The following TPD52L2 variants were observed in gnomAD, a reference collection of about 807,000 sequenced individuals.
TPD52L2 encodes the protein TPD52 like 2.
In TPD52L2, 19 loss-of-function variants were observed where a neutral mutation model predicts 24.7. The ratio of observed to expected loss-of-function variants is 0.77; its 90% confidence interval spans 0.54 to 1.13. The LOEUF is 1.13. TPD52L2 is among the 50% of genes most tolerant of loss of function. TPD52L2 has a pLI of 0.00. For synonymous variants in TPD52L2, 104 were observed against 100.2 expected (o/e 1.04, Z -0.23); for missense variants, 236 against 250.4 (o/e 0.94, Z 0.39).
At position 63,889,026 on chromosome 20, in the gene TPD52L2, G is replaced by T; in HGVS notation, c.477-164G>T. 5 of 658,678 alleles carry T rather than the reference G, an allele frequency of 7.6e-6. No homozygotes were observed. In the South Asian group the frequency reaches 8.7e-5, roughly 11 times the overall value. 40.8% of individuals were successfully genotyped at this position (658,678 alleles called of 1,614,324 possible). ...ATGGCCGACCTCACTTTTGACCTGG[G>T]GAGTCTCCGGAATGACCTGGCTGTC... On this transcript the variant is annotated intron_variant, in intron 5 of 6. Transcript: ENST00000346249.
At chr20:63,883,004 C>T (rs886515658) in intron 5 of TPD52L2, among the ~76,000 whole-genome samples, 184 bp downstream of exon 5, 1 of 152,192 alleles carries the variant, frequency 6.6e-6, no homozygotes, top group Non-Finnish European at 1.5e-5. Flanking sequence ...CGTCCATCCC[C>T]GTTGGCTGCT....
At chr20:63,867,562 C>G (rs956658840) in intron 1 of TPD52L2, among the ~76,000 whole-genome samples, 14 of 143,938 alleles carry the variant, frequency 9.7e-5, no homozygotes, top group Non-Finnish European at 1.8e-4. Flanking sequence ...TAAGACTCGT[C>G]TAAAAAAAAA....
intron 3 of TPD52L2, among the ~76,000 whole-genome samples, chr20:63,875,147 A>T (rs1160994750): frequency 2.0e-5 from 3 of 147,186 alleles, no homozygotes; most frequent in Non-Finnish European, 4.5e-5. Context: ...GTCTCAAAAA[A>T]AAAAAATATA....
intron 4 of TPD52L2, among the ~76,000 whole-genome samples, chr20:63,878,836 C>T (rs1035427785): frequency 5.3e-5 from 8 of 152,210 alleles, no homozygotes; most frequent in Non-Finnish European, 1.0e-4. Flanking sequence ...TTGCCCGGCC[C>T]GGTGCTCTCA....
chr20:63,875,153 A>AAATATATATATATATATT (rs2052622586), intron 3 of TPD52L2, among the ~76,000 whole-genome samples: 1 of 131,318 alleles, frequency 7.6e-6, no homozygotes, highest in African/African-American at 2.8e-5. Flanking sequence ...AAAAAAAAAA[A>AAATATATATATATATATT]TATATATATA....
chr20:63,878,707 C>G (rs1277594019), intron 4 of TPD52L2, among the ~76,000 whole-genome samples: 1 of 152,164 alleles, frequency 6.6e-6, no homozygotes, highest in Non-Finnish European at 1.5e-5. Context: ...GCAAGGATGT[C>G]CCCCAGATGC....
chr20:63,867,695 C>T (rs977500062), intron 1 of TPD52L2, among the ~76,000 whole-genome samples: 14 of 151,904 alleles, frequency 9.2e-5, no homozygotes, highest in African/African-American at 3.1e-4. Flanking sequence ...ATGCAGCCAG[C>T]TTTTAAGAAG....
intron 5 of TPD52L2, among the ~76,000 whole-genome samples, chr20:63,886,652 T>C (rs1384986632): frequency 7.5e-6 from 1 of 132,922 alleles, no homozygotes; most frequent in Non-Finnish European, 1.6e-5. Flanking sequence ...CCCGGCCTTT[T>C]TTTTCTTTTT....
chr20:63,889,210 C>A lies in TPD52L2; in HGVS notation c.497C>A (p.Ser166Ter), dbSNP rs150777439. 4.3e-6 allele frequency: 7 copies of A among 1,613,470 alleles called. No homozygotes were observed. The highest frequency in any genetic ancestry group is 5.9e-6 in the Non-Finnish European group (7 of 1,179,764). The part of the protein sequence containing the change: ...GDMRNSATFK[S>*]FEDRVGTIKS... The stretch of plus-strand genomic sequence containing the variant: ...TAAAGGAACTCTGCGACCTTCAAGT[C>A]GTTTGAGGACCGAGTTGGGACCATA... The change falls in exon 6 of 7, where the codon TCG becomes TAG. Residue 166 changes from serine to a stop codon, truncating the protein, a stop_gained. Transcript: ENST00000346249. LOFTEE classifies it high-confidence loss of function.
At chr20:63,887,925 G>A in intron 5 of TPD52L2, 1 of 449,294 alleles carries the variant, frequency 2.2e-6, no homozygotes, top group Non-Finnish European at 4.0e-6. Flanking sequence ...ACAGATCCTG[G>A]CACTTGCCCT....
At chr20:63,878,727 C>T (rs1020839144) in intron 4 of TPD52L2, among the ~76,000 whole-genome samples, 7 of 152,174 alleles carry the variant, frequency 4.6e-5, no homozygotes, top group Admixed American at 3.3e-4. Context: ...CCCTGTGCTG[C>T]CCAGGGGACA....
At chr20:63,866,758 CTT>C (rs773870171) in intron 1 of TPD52L2, among the ~76,000 whole-genome samples, 17 of 124,480 alleles carry the variant, frequency 1.4e-4, no homozygotes, top group African/African-American at 3.2e-4. Flanking sequence ...CGCGCCTGGC[CTT>C]TTTTTTTTTT....
chr20:63,887,349 T>G, intron 5 of TPD52L2: 1 of 682,664 alleles, frequency 1.5e-6, no homozygotes, highest in Non-Finnish European at 2.6e-6. Context: ...CCCAGTGCTA[T>G]GCGCTGGGCA....
At chr20:63,880,523 G>A (rs980848831) in intron 4 of TPD52L2, among the ~76,000 whole-genome samples, 10 of 152,270 alleles carry the variant, frequency 6.6e-5, no homozygotes, top group Admixed American at 6.5e-5. Flanking sequence ...TTGCTTCAGC[G>A]AACCACAGAA....
chr20:63,874,897 T>G (rs929647652), intron 3 of TPD52L2, among the ~76,000 whole-genome samples: 5 of 152,106 alleles, frequency 3.3e-5, no homozygotes, highest in Admixed American at 1.3e-4. Context: ...CCCAGCACTT[T>G]GGGAGGCTGA....
In TPD52L2 at chr20:63,887,370, C is replaced by T. The variant is rs1356703252; in HGVS notation, c.477-1820C>T. ...GCTATGCGCTGGGCAACTTGGGGTG[C>T]CCCCCATGAGGCCAAGGGAGGACCC... On this transcript the variant is annotated intron_variant, in intron 5 of 6. Coordinates refer to ENST00000346249, the MANE Select transcript of TPD52L2 (RefSeq NM_003288.4). The T allele has an allele frequency of 9.8e-6, 7 of 717,870 alleles. No homozygotes were observed. In the East Asian group the frequency reaches 1.5e-4, roughly 15 times the overall value. 44.5% of individuals were successfully genotyped at this position (717,870 alleles called of 1,614,324 possible).
In TPD52L2 at chr20:63,890,116, A is replaced by C. The variant is rs985500045; in HGVS notation, c.*171A>C. Reference sequence around the variant, plus strand: ...CTGCCGCGTTTGCATGAATTTGAAGAACACAGGCTTGTACACAGATGTTTT... The same window carrying C: ...CTGCCGCGTTTGCATGAATTTGAAGCACACAGGCTTGTACACAGATGTTTT... On this transcript the variant is annotated 3_prime_UTR_variant, in exon 7 of 7. Transcript: ENST00000346249. 1.4e-6 allele frequency: 2 copies of C among 1,421,998 alleles called. No individual in the cohort carries two copies. The highest frequency in any genetic ancestry group is 2.8e-5 in the African/African-American group (2 of 70,602). 88.1% of individuals were successfully genotyped at this position (1,421,998 alleles called of 1,614,324 possible). A position where few individuals can be genotyped will look rare whatever the true frequency, so the allele number is the denominator to read the frequency against.
intron 5 of TPD52L2, chr20:63,886,854 A>G (rs2053143664): frequency 6.7e-6 from 1 of 150,042 alleles, no homozygotes. Flanking sequence ...CATGTTGGCC[A>G]GCATGGTCTC....
intron 5 of TPD52L2, among the ~76,000 whole-genome samples, chr20:63,884,571 C>T (rs537983415): frequency 6.6e-6 from 1 of 152,326 alleles, no homozygotes; most frequent in African/African-American, 2.4e-5. Context: ...TCTGGAAGCA[C>T]AGGGACACGG....
Sources: gnomAD v4.1 joint callset for allele counts (sites outside exome capture counted in the v4.1 genomes callset) on GRCh38, gnomAD v4.1.1 for gene constraint, MANE v1.5 for transcripts, NCBI Gene and HGNC (gene_info 2026-07-23, HGNC 2026-07-21) for gene names.